ATP8A2: variants seen among roughly 807,000 people sequenced by gnomAD.
ATP8A2 encodes the protein phospholipid-transporting ATPase IB.
A neutral mutation model predicts 165.6 loss-of-function variants in ATP8A2; 100 were observed. The observed-to-expected ratio is 0.60, with a 90% confidence interval of 0.51 to 0.71. The LOEUF is 0.71. Among genes scored for constraint, ATP8A2 ranks in the 30% least tolerant of loss-of-function variants. ATP8A2 has a pLI of 0.00. For synonymous variants in ATP8A2, 543 were observed against 548.8 expected (o/e 0.99, Z 0.15); for missense variants, 1,227 against 1,479.5 (o/e 0.83, Z 2.80).
intron 1 of ATP8A2, among the ~76,000 whole-genome samples, chr13:25,467,875 G>A (rs1234066125): frequency 6.6e-6 from 1 of 152,180 alleles, no homozygotes; most frequent in Non-Finnish European, 1.5e-5. Flanking sequence ...TTAATGGTGT[G>A]CAACGTCCGT....
chr13:25,782,656 T>C (rs556590949), intron 27 of ATP8A2, among the ~76,000 whole-genome samples: 2 of 152,352 alleles, frequency 1.3e-5, no homozygotes, highest in African/African-American at 4.8e-5. Flanking sequence ...TCTTGTATAC[T>C]TTACATCATC....
At chr13:25,864,212 TAGAC>T (rs1952437557) in intron 33 of ATP8A2, among the ~76,000 whole-genome samples, 1 of 152,314 alleles carries the variant, frequency 6.6e-6, no homozygotes, top group African/African-American at 2.4e-5. Flanking sequence ...CCAATGGCCA[TAGAC>T]AGTGTTCTAA....
rs1295027714 is a variant in ATP8A2, at chr13:25,953,270, A to G, written c.3184-8305A>G. Among the ~76,000 whole-genome samples the G allele has an allele frequency of 1.3e-5, 2 of 151,880 alleles. No homozygotes were observed. Among genetic ancestry groups the G allele is most frequent in the African/African-American group, 4.8e-5 (2 of 41,312 alleles). ...TGCTGGGCCAACCAGCATCTTGAGG[A>G]CTCAACTCTCTGGCTGCAGGTGCTG... On this transcript the variant is annotated intron_variant, in intron 33 of 36. Coordinates refer to ENST00000381655, the MANE Select transcript of ATP8A2 (RefSeq NM_016529.6). The surrounding 1 kb of genome is among the most constrained non-coding windows in gnomAD (Gnocchi z 6.7).
rs573633099 is a variant in ATP8A2, at chr13:25,486,199, A to T, written c.221+17078A>T. On this transcript the variant is annotated intron_variant, in intron 2 of 36. Coordinates refer to ENST00000381655, the MANE Select transcript of ATP8A2 (RefSeq NM_016529.6). ...GTGCAATGTGCAATGCAGTATTCCA[A>T]ATATTTTTTTTATCATGTGTCATGC... 1.8e-4 allele frequency among the ~76,000 whole-genome samples: 27 copies of T among 152,276 alleles called. No homozygotes were observed. In the East Asian group the frequency reaches 5.2e-3, roughly 29 times the overall value.
chr13:25,626,765 G>A (rs1282532713), intron 24 of ATP8A2, among the ~76,000 whole-genome samples: 4 of 152,112 alleles, frequency 2.6e-5, no homozygotes, highest in Non-Finnish European at 1.5e-5. Flanking sequence ...AGAAAAAGAG[G>A]TTTAATGGAC....
chr13:25,943,066 G>C (rs1330212008), intron 33 of ATP8A2, among the ~76,000 whole-genome samples: 1 of 152,134 alleles, frequency 6.6e-6, no homozygotes, highest in Non-Finnish European at 1.5e-5. Flanking sequence ...CCCTTGTGCT[G>C]CTCTGTGTGC....
chr13:25,808,309 T>A (rs1246055979), intron 27 of ATP8A2, among the ~76,000 whole-genome samples: 3 of 152,016 alleles, frequency 2.0e-5, no homozygotes, highest in African/African-American at 7.2e-5. Flanking sequence ...GTTTAAATTT[T>A]TTGTAGAGGC....
rs776503345 is a variant in ATP8A2, at chr13:25,538,077, A to G, written c.581+16A>G. 1.9e-6 allele frequency: 3 copies of G among 1,607,266 alleles called. 1 individual carries two copies. The highest frequency in any genetic ancestry group is 2.2e-5 in the South Asian group (2 of 90,828). ...TGTCATCCAGGTTAGCTGTGCTAGT[A>G]GGCACCTTTTTTGCAATAAATGTTA... is the stretch of plus-strand genomic sequence containing the variant. On this transcript the variant is annotated intron_variant, in intron 7 of 36. Transcript: ENST00000381655.
At chr13:25,954,092 G>C (rs1955455703) in intron 33 of ATP8A2, among the ~76,000 whole-genome samples, 1 of 152,190 alleles carries the variant, frequency 6.6e-6, no homozygotes, top group African/African-American at 2.4e-5. Context: ...AGCCCAACAA[G>C]CTAAGATCCA....
intron 35 of ATP8A2, among the ~76,000 whole-genome samples, chr13:26,009,982 C>T (rs561411272): frequency 6.6e-6 from 1 of 152,290 alleles, no homozygotes; most frequent in Non-Finnish European, 1.5e-5. Flanking sequence ...AGGAGAATCG[C>T]TTGAACCTAG....
intron 1 of ATP8A2, among the ~76,000 whole-genome samples, chr13:25,442,512 C>T (rs370071418): frequency 6.6e-6 from 1 of 152,154 alleles, no homozygotes; most frequent in South Asian, 2.1e-4. Context: ...CTCCTGGGCT[C>T]ATGTGATCTC....
chr13:25,919,992 C>T lies in ATP8A2; in HGVS notation c.3184-41583C>T, dbSNP rs551298049. Among the ~76,000 whole-genome samples the T allele has an allele frequency of 5.7e-4, 87 of 152,188 alleles. 1 individual carries two copies. Among genetic ancestry groups the T allele is most frequent in the East Asian group, 1.9e-3 (10 of 5,180 alleles). On this transcript the variant is annotated intron_variant, in intron 33 of 36. Transcript: ENST00000381655. The stretch of plus-strand genomic sequence containing the variant: ...TATACAAACAGGGGTCTCGCTATGT[C>T]GTCCAGGCTGGTCTCGAACTTCTGG...
chr13:25,702,201 A>G (rs2042965811), intron 25 of ATP8A2, among the ~76,000 whole-genome samples: 1 of 152,014 alleles, frequency 6.6e-6, no homozygotes, highest in Non-Finnish European at 1.5e-5. Flanking sequence ...GAAAGAAGTA[A>G]TTTTTTTTCA....
intron 16 of ATP8A2, among the ~76,000 whole-genome samples, chr13:25,565,641 A>T (rs2039290901): frequency 6.6e-6 from 1 of 152,136 alleles, no homozygotes; most frequent in South Asian, 2.1e-4. Flanking sequence ...CCTTTGTCAG[A>T]TGCATAGATT....
intron 33 of ATP8A2, among the ~76,000 whole-genome samples, chr13:25,867,139 C>CTT (rs11331686): frequency 3.8e-5 from 5 of 131,938 alleles, no homozygotes; most frequent in East Asian, 2.2e-4. Flanking sequence ...CTGGGACAGG[C>CTT]TTTTTTTTTT....
chr13:25,531,346 ATATATATGT>A lies in ATP8A2; in HGVS notation c.420+695_420+703del, dbSNP rs1241963697. On this transcript the variant is annotated intron_variant, in intron 4 of 36. Transcript: ENST00000381655. Reference sequence around the variant, plus strand: ...ATATGATATATATATGTTATATATGATATATATGTTATATATGATATATATATGTTATAT... The same window carrying A: ...ATATGATATATATATGTTATATATGATATATATGATATATATATGTTATAT... 2.5e-3 allele frequency among the ~76,000 whole-genome samples: 324 copies of A among 131,910 alleles called. 2 individuals carry two copies. The highest frequency in any genetic ancestry group is 0.012 in the East Asian group (58 of 4,908). 86.5% of individuals were successfully genotyped at this position (131,910 alleles called of 152,430 possible).
intron 33 of ATP8A2, among the ~76,000 whole-genome samples, chr13:25,874,219 C>T (rs1241321387): frequency 1.3e-5 from 2 of 152,104 alleles, no homozygotes; most frequent in East Asian, 1.9e-4. Flanking sequence ...TGCTCTCCCT[C>T]ACCTCATCCA....
chr13:25,882,894 AGATGATGATGATGATGAT>A (rs3837558), intron 33 of ATP8A2, among the ~76,000 whole-genome samples: 115 of 147,354 alleles, frequency 7.8e-4, no homozygotes, highest in African/African-American at 2.5e-3. Context: ...CCTGTGCCTG[AGATGATGATGATGATGAT>A]GATGATGATG....
intron 1 of ATP8A2, among the ~76,000 whole-genome samples, chr13:25,444,098 T>A (rs528823973): frequency 2.6e-5 from 4 of 152,344 alleles, no homozygotes; most frequent in African/African-American, 7.2e-5. Flanking sequence ...TCCCAGACAA[T>A]CCCCTTCCTG....
Sources: allele counts gnomAD v4.1 joint callset (sites outside exome capture counted in the v4.1 genomes callset), GRCh38; gene constraint gnomAD v4.1.1; non-coding constraint Gnocchi (gnomAD v3.1); transcripts MANE v1.5; gene names NCBI Gene and HGNC (gene_info 2026-07-23, HGNC 2026-07-21).